Variants in UNC45B observed in about 807,000 individuals in gnomAD.
The protein encoded by UNC45B is unc-45 myosin chaperone B.
In UNC45B, 78 loss-of-function variants were observed where a neutral mutation model predicts 98.7. That is an observed-to-expected ratio of 0.79 (90% CI 0.66 to 0.95). The LOEUF is 0.95. Ranked by LOEUF, UNC45B falls within the 40% of genes least tolerant of loss-of-function variation. The pLI is 0.00. For missense variants in UNC45B, 1,225 were observed against 1,184.9 expected, an observed-to-expected ratio of 1.03 and a Z score of -0.50; for synonymous variants, 462 against 480.4, an observed-to-expected ratio of 0.96 and a Z score of 0.50.
chr17:35,148,013 G>C (rs983537835), intron 1 of UNC45B, 103 bp downstream of exon 1: 1 of 502,826 alleles, frequency 2.0e-6, no homozygotes, highest in East Asian at 3.4e-5. Context: ...AAGCAGCTTC[G>C]CCTGCTCAGG....
chr17:35,174,312 G>A lies in UNC45B; in HGVS notation c.1901G>A (p.Cys634Tyr), dbSNP rs764876939. 8 of 1,614,100 alleles carry A rather than the reference G, an allele frequency of 5.0e-6. No homozygotes were observed. The highest frequency in any genetic ancestry group is 3.3e-5 in the Admixed American group (2 of 60,008). ...LKAGVISALA[C>Y]MVKADSAILT... is the part of the protein sequence containing the mutation. ...GCGGGTGTCATCTCTGCCCTGGCTT[G>A]CATGGTGAAAGCAGATAGTGCCATC... is the stretch of plus-strand genomic sequence containing the variant. The change falls in exon 14 of 20, where the codon TGC (cysteine) becomes TAC (tyrosine). Residue 634 changes from cysteine (C) to tyrosine (Y), a missense_variant. By Grantham distance (194) the Cys-to-Tyr change is radical. Transcript: ENST00000394570.
At position 35,170,025 on chromosome 17, in the gene UNC45B, C is replaced by T. The variant is rs141204396; in HGVS notation, c.1548-89C>T. On this transcript the variant is annotated intron_variant, in intron 11 of 19. Coordinates refer to ENST00000394570, the MANE Select transcript of UNC45B (RefSeq NM_001267052.2). ...TGCTCTAGTGGAGTGTGAAAGGGAC[C>T]TCACCCCTGGTTCACCACCCTGAAA... The T allele has an allele frequency of 4.6e-5, 74 of 1,605,672 alleles. No homozygotes were observed. In the African/African-American group the frequency reaches 9.3e-4, roughly 20 times the overall value.
chr17:35,159,650 C>A, intron 8 of UNC45B, 105 bp downstream of exon 8: 1 of 1,293,460 alleles, frequency 7.7e-7, no homozygotes, highest in Non-Finnish European at 1.1e-6. Flanking sequence ...GTCTTCAGTT[C>A]TAACTGAAAA....
At chr17:35,173,936 T>G (rs2092207893) in intron 13 of UNC45B, among the ~76,000 whole-genome samples, 1 of 151,524 alleles carries the variant, frequency 6.6e-6, no homozygotes, top group Admixed American at 6.6e-5. Context: ...CTCAGCCTCC[T>G]GAGCAGCTGG....
intron 13 of UNC45B, among the ~76,000 whole-genome samples, chr17:35,172,422 T>C (rs1808843455): frequency 6.6e-6 from 1 of 152,104 alleles, no homozygotes; most frequent in Non-Finnish European, 1.5e-5. Flanking sequence ...GCTAATTTTG[T>C]GTTTTCAGTA....
chr17:35,171,173 C>CA, intron 12 of UNC45B, 149 bp from the exon 13 acceptor site: 1 of 949,000 alleles, frequency 1.1e-6, no homozygotes, highest in Non-Finnish European at 1.6e-6. Flanking sequence ...CGTTCCTCTC[C>CA]TGCGCTGCTG....
intron 3 of UNC45B, 69 bp downstream of exon 3, chr17:35,149,078 T>A: frequency 6.3e-7 from 1 of 1,580,454 alleles, no homozygotes; most frequent in South Asian, 1.1e-5. Context: ...TTTAATCTAG[T>A]TACCATTTTG....
chr17:35,180,763 C>T (rs1171624184), intron 18 of UNC45B, 87 bp downstream of exon 18: 5 of 963,440 alleles, frequency 5.2e-6, no homozygotes, highest in Non-Finnish European at 8.1e-6. Flanking sequence ...AGATCGGGAG[C>T]TCTTATGATG....
At chr17:35,159,678 G>A (rs2092089203) in intron 8 of UNC45B, 133 bp downstream of exon 8, 2 of 1,044,488 alleles carry the variant, frequency 1.9e-6, no homozygotes, top group Non-Finnish European at 2.7e-6. Flanking sequence ...AAAGGCATTG[G>A]CCCATCAGGA....
chr17:35,151,008 T>C (rs2142528328), intron 4 of UNC45B, among the ~76,000 whole-genome samples: 1 of 152,172 alleles, frequency 6.6e-6, no homozygotes, highest in African/African-American at 2.4e-5. Context: ...CTCTTTCTCC[T>C]GGGTTTAAGC....
rs987135322 is a variant in UNC45B, at chr17:35,188,207, T to C, written c.*1648T>C. On this transcript the variant is annotated 3_prime_UTR_variant, in exon 20 of 20. Coordinates refer to ENST00000394570, the MANE Select transcript of UNC45B (RefSeq NM_001267052.2). ...GGAAACTATATTCATCATATCCTTA[T>C]TATGATAGAGAATGACAACATTCAA... The C allele has an allele frequency of 6.6e-6, 1 of 152,268 alleles. No individual in the cohort carries two copies. Among genetic ancestry groups the C allele is most frequent in the African/African-American group, 2.4e-5 (1 of 41,468 alleles). 9.4% of individuals were successfully genotyped at this position (152,268 alleles called of 1,614,324 possible). A position where few individuals can be genotyped will look rare whatever the true frequency, so the allele number is the denominator to read the frequency against.
intron 14 of UNC45B, among the ~76,000 whole-genome samples, chr17:35,175,243 G>A (rs747335608): frequency 2.4e-4 from 36 of 152,112 alleles, no homozygotes; most frequent in Non-Finnish European, 3.5e-4. Flanking sequence ...GGAGGCCACT[G>A]TTCCTTCTTG....
rs2092287572 is a variant in UNC45B, at chr17:35,183,678, C to T, written c.2529+96C>T. 13 of 1,279,328 alleles carry T rather than the reference C, an allele frequency of 1.0e-5. No individual in the cohort carries two copies. The South Asian group carries it at 3.3e-4, about 33-fold the overall frequency. 79.2% of individuals were successfully genotyped at this position (1,279,328 alleles called of 1,614,324 possible). On this transcript the variant is annotated intron_variant, in intron 19 of 19. Transcript: ENST00000394570. ...GGATGATCCTCTGGGGAGGCCAACT[C>T]CTAAAGAAACCCCTCGCAGCCCCCA...
chr17:35,161,365 C>A (rs973840839), intron 8 of UNC45B, among the ~76,000 whole-genome samples: 1 of 152,088 alleles, frequency 6.6e-6, no homozygotes, highest in African/African-American at 2.4e-5. Flanking sequence ...GATGTCAAAC[C>A]CGAAGTGAGC....
At chr17:35,165,904 A>C (rs1341796631) in intron 9 of UNC45B, among the ~76,000 whole-genome samples, 1 of 151,676 alleles carries the variant, frequency 6.6e-6, no homozygotes, top group African/African-American at 2.4e-5. Context: ...GCACCACTGC[A>C]CTCCAGCCTG....
intron 8 of UNC45B, among the ~76,000 whole-genome samples, chr17:35,160,390 C>T (rs1232088838): frequency 6.6e-6 from 1 of 152,020 alleles, no homozygotes; most frequent in Non-Finnish European, 1.5e-5. Context: ...AATTTTTTTC[C>T]TTTGGTTTAG....
chr17:35,166,156 T>TACTTGG (rs2092139888), intron 9 of UNC45B, among the ~76,000 whole-genome samples: 1 of 145,110 alleles, frequency 6.9e-6, no homozygotes. Context: ...TAGTCTCAGC[T>TACTTGG]ACTTGGGAAG....
rs749569872 is a variant in UNC45B at position 35,171,307 on chromosome 17, C to A, written c.1690-15C>A. 2 of 1,613,172 alleles carry A rather than the reference C, an allele frequency of 1.2e-6. No homozygotes were observed. The highest frequency in any genetic ancestry group is 1.7e-6 in the Non-Finnish European group (2 of 1,179,560). On this transcript the variant is annotated splice_polypyrimidine_tract_variant and intron_variant, in intron 12 of 19. Transcript: ENST00000394570. ...TCCTTTCTGCTTTCCCTCTCCCCAA[C>A]CCTGTGCCTTCCAGACCAGTGACAA...
In UNC45B at chr17:35,168,409, C is replaced by T. The variant is rs778959683; in HGVS notation, c.1452+48C>T. The T allele has an allele frequency of 3.1e-6, 4 of 1,297,180 alleles. No individual in the cohort carries two copies. In the East Asian group the frequency reaches 1.1e-4, roughly 36 times the overall value. 80.4% of individuals were successfully genotyped at this position (1,297,180 alleles called of 1,614,324 possible). Reference sequence around the variant, plus strand: ...TCCTACTCAGTACAAGGTGCCATGCCAGGCACCAGGGACACCAAAATGAAT... The same window carrying T: ...TCCTACTCAGTACAAGGTGCCATGCTAGGCACCAGGGACACCAAAATGAAT... On this transcript the variant is annotated intron_variant, in intron 10 of 19. Transcript: ENST00000394570.
Sources: allele counts gnomAD v4.1 joint callset (sites outside exome capture counted in the v4.1 genomes callset), GRCh38; gene constraint gnomAD v4.1.1; transcripts MANE v1.5; gene names NCBI Gene and HGNC (gene_info 2026-07-23, HGNC 2026-07-21).